Variants in CPE observed in about 807,000 individuals in gnomAD.
CPE encodes carboxypeptidase E, also known as carbocypeptidase E.
CPE carries 17 observed loss-of-function variants against 53.5 expected under a neutral mutation model. That is an observed-to-expected ratio of 0.32 (90% CI 0.22 to 0.48). The LOEUF is 0.48. CPE is among the 20% of genes least tolerant of loss of function. The pLI is 0.99. For missense variants in CPE, 524 were observed against 614.7 expected, an observed-to-expected ratio of 0.85 and a Z score of 1.56; for synonymous variants, 226 against 228.8, an observed-to-expected ratio of 0.99 and a Z score of 0.11.
intron 1 of CPE, among the ~76,000 whole-genome samples, chr4:165,433,970 T>C (rs4690818): frequency 0.042 from 6,382 of 152,252 alleles, 219 homozygotes; most frequent in East Asian, 0.16. Flanking sequence ...AGCTAGGACC[T>C]TTGCACGAGC....
chr4:165,466,407 G>C (rs1732104597), intron 2 of CPE, among the ~76,000 whole-genome samples: 1 of 152,108 alleles, frequency 6.6e-6, no homozygotes, highest in Non-Finnish European at 1.5e-5. Context: ...TGAAGGCCTA[G>C]GACATTACTG....
chr4:165,469,797 C>T (rs1017540061), intron 3 of CPE, among the ~76,000 whole-genome samples: 2 of 152,148 alleles, frequency 1.3e-5, no homozygotes, highest in Non-Finnish European at 2.9e-5. Context: ...TATGAATAAA[C>T]ACAATCCAGC....
intron 1 of CPE, among the ~76,000 whole-genome samples, chr4:165,387,727 T>C (rs1321419795): frequency 6.6e-6 from 1 of 152,172 alleles, no homozygotes; most frequent in African/African-American, 2.4e-5. Context: ...GAGAATCGCT[T>C]GAACCTGGGA....
At chr4:165,462,087 C>T (rs1461872277) in intron 1 of CPE, among the ~76,000 whole-genome samples, 1 of 152,092 alleles carries the variant, frequency 6.6e-6, no homozygotes, top group Non-Finnish European at 1.5e-5. Flanking sequence ...GGAGATTTTT[C>T]CTGAGAGAAA....
intron 1 of CPE, among the ~76,000 whole-genome samples, chr4:165,453,654 A>G (rs190557440): frequency 8.2e-4 from 124 of 152,112 alleles, no homozygotes; most frequent in Admixed American, 7.1e-3. Context: ...CAAAGTGCTG[A>G]GATTACAGGC....
At chr4:165,495,118 A>C (rs1732684474) in intron 7 of CPE, among the ~76,000 whole-genome samples, 1 of 152,152 alleles carries the variant, frequency 6.6e-6, no homozygotes, top group African/African-American at 2.4e-5. Context: ...TAGAAATCTA[A>C]ATTTCTAACT....
chr4:165,393,156 A>G (rs1169813904), intron 1 of CPE, among the ~76,000 whole-genome samples: 3 of 152,108 alleles, frequency 2.0e-5, no homozygotes, highest in Non-Finnish European at 2.9e-5. Flanking sequence ...TGTTTTGTAA[A>G]AACTCACAAA....
At chr4:165,392,269 A>G (rs1730693709) in intron 1 of CPE, among the ~76,000 whole-genome samples, 1 of 146,768 alleles carries the variant, frequency 6.8e-6, no homozygotes, top group Non-Finnish European at 1.5e-5. Context: ...ATATTTATAT[A>G]TTTACATATA....
chr4:165,495,408 T>C, intron 7 of CPE, 151 bp from the exon 8 acceptor site: 1 of 578,068 alleles, frequency 1.7e-6, no homozygotes, highest in Admixed American at 2.9e-5. Context: ...CAATAAAATT[T>C]CATTAAATTC....
At chr4:165,493,742 C>A (rs1732652143) in intron 7 of CPE, among the ~76,000 whole-genome samples, 1 of 152,072 alleles carries the variant, frequency 6.6e-6, no homozygotes, top group Non-Finnish European at 1.5e-5. Context: ...TCATTTAATC[C>A]GTATAATAAA....
chr4:165,413,730 G>A (rs565317084), intron 1 of CPE, among the ~76,000 whole-genome samples: 22 of 152,174 alleles, frequency 1.4e-4, no homozygotes, highest in Non-Finnish European at 2.9e-4. Flanking sequence ...CACAGAGGAG[G>A]GGACAACCAA....
intron 4 of CPE, among the ~76,000 whole-genome samples, chr4:165,483,814 G>A (rs1732459649): frequency 6.6e-6 from 1 of 152,176 alleles, no homozygotes; most frequent in African/African-American, 2.4e-5. Flanking sequence ...TAATGGGGTT[G>A]TTGGGATGAT....
chr4:165,470,727 C>T (rs1732190441), intron 3 of CPE, among the ~76,000 whole-genome samples: 1 of 152,100 alleles, frequency 6.6e-6, no homozygotes, highest in Non-Finnish European at 1.5e-5. Context: ...CATAACATTT[C>T]CCCCCTCAAG....
intron 3 of CPE, among the ~76,000 whole-genome samples, chr4:165,476,524 G>T (rs2126708061): frequency 6.6e-6 from 1 of 151,868 alleles, no homozygotes; most frequent in East Asian, 1.9e-4. Flanking sequence ...GAACCCATTT[G>T]CCCAGCTCCT....
chr4:165,412,312 A>G (rs755927993), intron 1 of CPE, among the ~76,000 whole-genome samples: 4 of 152,232 alleles, frequency 2.6e-5, no homozygotes, highest in Non-Finnish European at 5.9e-5. Context: ...TAGACATTAA[A>G]TATCTTTTTT....
At chr4:165,421,711 TATAATGCTACTTAATATCATATC>T (rs1358800035) in intron 1 of CPE, among the ~76,000 whole-genome samples, 1 of 152,212 alleles carries the variant, frequency 6.6e-6, no homozygotes, top group Non-Finnish European at 1.5e-5. Context: ...TCATCCATCT[TATAATGCTACTTAATATCATATC>T]ATGATTTAGA....
intron 1 of CPE, among the ~76,000 whole-genome samples, chr4:165,449,299 C>T (rs990177876): frequency 2.0e-5 from 3 of 152,168 alleles, no homozygotes; most frequent in African/African-American, 7.2e-5. Flanking sequence ...GGTTAATAAC[C>T]ATTTGAATTC....
intron 1 of CPE, among the ~76,000 whole-genome samples, chr4:165,451,619 G>T (rs1305106350): frequency 6.6e-6 from 1 of 152,110 alleles, no homozygotes; most frequent in African/African-American, 2.4e-5. Context: ...AGCCTCCTGA[G>T]TAGCTGGGAT....
intron 1 of CPE, chr4:165,406,476 A>G (rs184249280): frequency 3.9e-6 from 1 of 257,974 alleles, no homozygotes; most frequent in Non-Finnish European, 7.7e-6. Flanking sequence ...TTTTTCCCTC[A>G]GATTTCAGAA....
Sources: gnomAD v4.1 joint callset for allele counts (sites outside exome capture counted in the v4.1 genomes callset) on GRCh38, gnomAD v4.1.1 for gene constraint, MANE v1.5 for transcripts, NCBI Gene and HGNC (gene_info 2026-07-23, HGNC 2026-07-21) for gene names.